Variants in PARD3 observed in about 807,000 individuals in gnomAD.
PARD3 encodes the protein partitioning defective 3 homolog.
Under a neutral mutation model 155.4 loss-of-function variants are expected in PARD3, and 75 were observed. The observed-to-expected ratio is 0.48, with a 90% CI of 0.40 to 0.58. The LOEUF (loss-of-function observed/expected upper bound fraction) is 0.58. PARD3 is among the 20% of genes least tolerant of loss of function. The pLI is 0.00. For synonymous variants in PARD3, 576 were observed against 610.5 expected, an observed-to-expected ratio of 0.94 and a Z score of 0.83; for missense variants, 1,642 against 1,721.7, an observed-to-expected ratio of 0.95 and a Z score of 0.82.
chr10:34,469,128 T>G (rs1248165681), intron 4 of PARD3, among the ~76,000 whole-genome samples: 2 of 152,218 alleles, frequency 1.3e-5, no homozygotes, highest in African/African-American at 4.8e-5. Context: ...TTTTAGTTGT[T>G]GAGATGGAGT....
intron 6 of PARD3, 92 bp from the exon 7 acceptor site, chr10:34,399,505 GAC>G (rs1843674331): frequency 1.3e-6 from 1 of 797,624 alleles, no homozygotes; most frequent in Admixed American, 1.9e-5. Context: ...CAACAACACA[GAC>G]ACACAATAAA....
chr10:34,206,937 C>G (rs1951508581), intron 22 of PARD3, among the ~76,000 whole-genome samples: 1 of 152,172 alleles, frequency 6.6e-6, no homozygotes, highest in Non-Finnish European at 1.5e-5. Context: ...CAGAGAAAAG[C>G]AGTATCACCT....
intron 22 of PARD3, among the ~76,000 whole-genome samples, chr10:34,147,723 A>T (rs1183327019): frequency 1.3e-5 from 2 of 152,006 alleles, no homozygotes; most frequent in Admixed American, 6.6e-5. Context: ...CTTTATATAT[A>T]TAATTTTTTA....
intron 2 of PARD3, among the ~76,000 whole-genome samples, chr10:34,613,673 T>C (rs143510884): frequency 2.7e-3 from 413 of 152,014 alleles, no homozygotes; most frequent in African/African-American, 9.3e-3. Context: ...TCAGACACAA[T>C]GGCACCACAG....
At chr10:34,795,749 T>C (rs1040918317) in intron 1 of PARD3, among the ~76,000 whole-genome samples, 2 of 151,640 alleles carry the variant, frequency 1.3e-5, no homozygotes, top group Admixed American at 1.3e-4. Flanking sequence ...ACAAAATCAG[T>C]CAGGCGTGGT....
At chr10:34,429,161 G>A (rs2075771827) in intron 5 of PARD3, among the ~76,000 whole-genome samples, 1 of 151,998 alleles carries the variant, frequency 6.6e-6, no homozygotes, top group African/African-American at 2.4e-5. Context: ...TAGTTTCTAT[G>A]AGAAGAAAAA....
At chr10:34,643,294 T>TC (rs2092737582) in intron 2 of PARD3, among the ~76,000 whole-genome samples, 1 of 152,220 alleles carries the variant, frequency 6.6e-6, no homozygotes, top group African/African-American at 2.4e-5. Flanking sequence ...TAACTGTGCG[T>TC]CCTCATTGCC....
intron 7 of PARD3, among the ~76,000 whole-genome samples, chr10:34,397,487 A>AATAGG (rs1294386270): frequency 6.6e-6 from 1 of 152,218 alleles, no homozygotes; most frequent in Non-Finnish European, 1.5e-5. Context: ...AAAATGACTC[A>AATAGG]GCTATAAAAG....
At chr10:34,255,890 A>G (rs1324836651) in intron 22 of PARD3, among the ~76,000 whole-genome samples, 1 of 152,200 alleles carries the variant, frequency 6.6e-6, no homozygotes, top group African/African-American at 2.4e-5. Context: ...TTCTATATAC[A>G]TTTGTAGTAT....
At chr10:34,489,901 T>A (rs1000293620) in intron 3 of PARD3, among the ~76,000 whole-genome samples, 1 of 152,230 alleles carries the variant, frequency 6.6e-6, no homozygotes, top group East Asian at 1.9e-4. Flanking sequence ...TTTACAGGTA[T>A]GAAGACTTGG....
rs914793150 is a variant in PARD3, at chr10:34,312,195, A to G, written c.3065+4912T>C. 14 of 1,356,592 alleles carry G rather than the reference A, an allele frequency of 1.0e-5. No homozygotes were observed. In the African/African-American group the frequency reaches 1.9e-4, roughly 18 times the overall value. The allele number at this position is 1,356,592 out of a possible 1,614,324, so 84.0% of individuals were successfully genotyped here. A position where few individuals can be genotyped will look rare whatever the true frequency, so the allele number is the denominator to read the frequency against. ...AGATCCAAAAGTTCCAAATGGATTA[A>G]TAAGGAAATTACTAAACCATCAAAC... is the stretch of plus-strand genomic sequence containing the variant. On this transcript the variant is annotated intron_variant, in intron 20 of 24. Coordinates refer to ENST00000374788, the MANE Select transcript of PARD3 (RefSeq NM_001184785.2).
intron 5 of PARD3, among the ~76,000 whole-genome samples, chr10:34,424,397 G>A (rs1160908342): frequency 2.0e-5 from 3 of 152,164 alleles, no homozygotes; most frequent in Non-Finnish European, 4.4e-5. Context: ...AACCGTTTAG[G>A]TAAGTAGAAA....
chr10:34,288,003 G>A (rs1343777714), intron 20 of PARD3, among the ~76,000 whole-genome samples: 1 of 152,134 alleles, frequency 6.6e-6, no homozygotes, highest in Admixed American at 6.6e-5. Context: ...TTAAGGTCAG[G>A]AGTTCAAGAC....
At chr10:34,477,225 T>C (rs2078773408) in intron 3 of PARD3, among the ~76,000 whole-genome samples, 1 of 152,210 alleles carries the variant, frequency 6.6e-6, no homozygotes, top group Non-Finnish European at 1.5e-5. Flanking sequence ...TTATCTCAAA[T>C]TTTAGCAAAA....
At chr10:34,254,177 C>T (rs529043049) in intron 22 of PARD3, among the ~76,000 whole-genome samples, 27 of 152,178 alleles carry the variant, frequency 1.8e-4, no homozygotes, top group African/African-American at 9.6e-5. Flanking sequence ...ATCAGGCGTT[C>T]GAGACCAGCC....
chr10:34,438,332 T>C (rs1385104613), intron 5 of PARD3, among the ~76,000 whole-genome samples: 2 of 152,224 alleles, frequency 1.3e-5, no homozygotes, highest in Non-Finnish European at 2.9e-5. Flanking sequence ...TAGTTTATAA[T>C]CATTTTTTTC....
At chr10:34,698,020 A>C (rs2094207165) in intron 1 of PARD3, among the ~76,000 whole-genome samples, 1 of 152,050 alleles carries the variant, frequency 6.6e-6, no homozygotes, top group Non-Finnish European at 1.5e-5. Flanking sequence ...GTGAATAAGA[A>C]AGAGGTGTCC....
chr10:34,117,231 T>C (rs1475255976), intron 24 of PARD3, among the ~76,000 whole-genome samples: 3 of 152,308 alleles, frequency 2.0e-5, no homozygotes, highest in African/African-American at 7.2e-5. Context: ...AGAGACACTC[T>C]CAGGCACGGC....
chr10:34,314,090 A>T (rs916418427), intron 20 of PARD3, among the ~76,000 whole-genome samples: 2 of 152,204 alleles, frequency 1.3e-5, no homozygotes, highest in African/African-American at 4.8e-5. Flanking sequence ...GCTGTTTAAA[A>T]GCAGCACTGC....
Sources: gnomAD v4.1 joint callset for allele counts (sites outside exome capture counted in the v4.1 genomes callset) on GRCh38, gnomAD v4.1.1 for gene constraint, MANE v1.5 for transcripts, NCBI Gene and HGNC (gene_info 2026-07-23, HGNC 2026-07-21) for gene names.